Variants in POLA2 observed in about 807,000 individuals in gnomAD.
POLA2 encodes DNA polymerase alpha 2, accessory subunit, also known as DNA polymerase alpha subunit B.
In POLA2, 47 loss-of-function variants were observed where a neutral mutation model predicts 82.8. The observed-to-expected ratio is 0.57, with a 90% CI of 0.45 to 0.72. The LOEUF (loss-of-function observed/expected upper bound fraction) is 0.72, where lower values mean the gene tolerates loss of function less well. Ranked by LOEUF, POLA2 falls within the 30% of genes least tolerant of loss-of-function variation. POLA2 has a pLI of 0.00. For synonymous variants in POLA2, 287 were observed against 286.8 expected (o/e 1.00, Z -0.01); for missense variants, 634 against 728.1 (o/e 0.87, Z 1.49).
At chr11:65,263,306 G>A (rs550275289) in intron 1 of POLA2, among the ~76,000 whole-genome samples, 2 of 139,722 alleles carry the variant, frequency 1.4e-5, no homozygotes, top group East Asian at 2.2e-4. Context: ...TTCAGCCTCC[G>A]CCTCCCAGGT....
chr11:65,267,608 G>A lies in POLA2; in HGVS notation c.296+40G>A, dbSNP rs76780604. The A allele has an allele frequency of 2.2e-3, 2,780 of 1,273,344 alleles. 58 individuals carry two copies. The African/African-American group carries it at 0.037, about 17-fold the overall frequency. The allele number at this position is 1,273,344 out of a possible 1,614,324, so 78.9% of individuals were successfully genotyped here. A position where few individuals can be genotyped will look rare whatever the true frequency, so the allele number is the denominator to read the frequency against. On this transcript the variant is annotated intron_variant, in intron 3 of 17. Transcript: ENST00000265465. ...TGAAGGTCTTTGCACCAAGCTACAT[G>A]TTGTATTTTATAATTTGTCTGTAGT... is the stretch of plus-strand genomic sequence containing the variant.
rs1949805765 is a variant in POLA2 at position 65,295,898 on chromosome 11, G to T, written c.1555G>T (p.Ala519Ser). 6.2e-7 allele frequency: 1 copy of T among 1,613,790 alleles called. No homozygotes were observed. The highest frequency in any genetic ancestry group is 1.3e-5 in the African/African-American group (1 of 74,918). The change falls in exon 17 of 18, where the codon GCC (alanine) becomes TCC (serine). Residue 519 changes from alanine (A) to serine (S), a missense_variant. Coordinates refer to ENST00000265465, the MANE Select transcript of POLA2 (RefSeq NM_002689.4). ...YPLYPPQEDM[A>S]IDYESFYVYA... Reference sequence around the variant, plus strand: ...ACTCTACCCGCCCCAAGAAGACATGGCCATTGACTATGAGTCGTTCTATGT... The same window carrying T: ...ACTCTACCCGCCCCAAGAAGACATGTCCATTGACTATGAGTCGTTCTATGT...
chr11:65,304,440 C>A (rs1314905955), intron 8 of POLA2, among the ~76,000 whole-genome samples: 1 of 151,602 alleles, frequency 6.6e-6, no homozygotes, highest in Admixed American at 6.6e-5. Flanking sequence ...CCCAACCATC[C>A]ACCCACCCAC....
chr11:65,285,381 G>A (rs888262411), intron 10 of POLA2, among the ~76,000 whole-genome samples: 2 of 151,476 alleles, frequency 1.3e-5, no homozygotes, highest in African/African-American at 2.4e-5. Flanking sequence ...CCAGCCTGGC[G>A]ACAGAGCTAG....
chr11:65,294,797 C>G, intron 15 of POLA2, 145 bp downstream of exon 15: 1 of 562,848 alleles, frequency 1.8e-6, no homozygotes, highest in Non-Finnish European at 3.1e-6. Flanking sequence ...CTCTAGCCAT[C>G]TGAGTTTCTC....
intron 4 of POLA2, among the ~76,000 whole-genome samples, chr11:65,273,747 G>A (rs971919037): frequency 2.0e-5 from 3 of 151,674 alleles, no homozygotes; most frequent in Non-Finnish European, 4.4e-5. Flanking sequence ...TCCTGCCTCA[G>A]CCTCCTAAAA....
At chr11:65,274,830 A>G (rs1008614413) in intron 4 of POLA2, among the ~76,000 whole-genome samples, 2 of 152,112 alleles carry the variant, frequency 1.3e-5, no homozygotes, top group African/African-American at 2.4e-5. Context: ...TTGTAATCTT[A>G]ATATACAAAT....
At chr11:65,278,977 G>A (rs1034440603) in intron 6 of POLA2, 54 bp downstream of exon 6, 31 of 1,507,652 alleles carry the variant, frequency 2.1e-5, no homozygotes, top group Non-Finnish European at 2.7e-5. Context: ...CTAGAAGGGT[G>A]TAGAGTAACA....
chr11:65,287,677 T>C, intron 10 of POLA2, 39 bp from the exon 11 acceptor site: 1 of 1,580,166 alleles, frequency 6.3e-7, no homozygotes, highest in African/African-American at 1.3e-5. Flanking sequence ...ATTCTAATAC[T>C]AGTCCTCTTC....
intron 4 of POLA2, among the ~76,000 whole-genome samples, chr11:65,270,036 C>T (rs1949505974): frequency 6.6e-6 from 1 of 152,148 alleles, no homozygotes; most frequent in African/African-American, 2.4e-5. Flanking sequence ...TTCACCATGT[C>T]AGCCAGGCTG....
At chr11:65,301,255 T>C (rs1016426979), downstream of POLA2, among the ~76,000 whole-genome samples, 2 of 151,978 alleles carry the variant, frequency 1.3e-5, no homozygotes, top group Admixed American at 1.3e-4. Flanking sequence ...CAGAGCCAGA[T>C]TGTGAAGTCT....
At chr11:65,289,684 T>A in intron 12 of POLA2, 115 bp from the exon 13 acceptor site, 1 of 643,144 alleles carries the variant, frequency 1.6e-6, no homozygotes, top group Non-Finnish European at 2.8e-6. Context: ...CATCTTTGCG[T>A]CTCCTTCAGC....
chr11:65,278,806 G>A lies in POLA2; in HGVS notation c.538G>A (p.Val180Ile), dbSNP rs371926841. Residue 180 changes from valine (V) to isoleucine (I), a missense_variant, in exon 6 of 18, where the codon GTA (valine) becomes ATA (isoleucine). Val to Ile is a conservative substitution (Grantham distance 29, BLOSUM62 3). Coordinates refer to ENST00000265465, the MANE Select transcript of POLA2 (RefSeq NM_002689.4). ...VVTSFGLAQG[V>I]SWSGRGGAGN... Reference sequence around the variant, plus strand: ...TACCTCCTTCGGCTTAGCACAGGGAGTATCTTGGTCTGGGAGAGGAGGAGC... The same window carrying A: ...TACCTCCTTCGGCTTAGCACAGGGAATATCTTGGTCTGGGAGAGGAGGAGC... 9.3e-6 allele frequency: 15 copies of A among 1,613,712 alleles called. No individual in the cohort carries two copies. The highest frequency in any genetic ancestry group is 1.1e-5 in the Non-Finnish European group (13 of 1,180,006).
In POLA2 at chr11:65,268,677, A is replaced by T. The variant is rs757591782; in HGVS notation, c.302A>T (p.Glu101Val). ...TTCTTAACCAGTGTTCTTAGAATTG[A>T]AGTGGAAGAAGAAGAGGAAATCCTC... ...RDIVSIQELI[E>V]VEEEEEILLN... is the part of the protein sequence containing the mutation. The change falls in exon 4 of 18, where the codon GAA becomes GTA. Residue 101 changes from glutamate to valine, a missense_variant. Transcript: ENST00000265465. The T allele has an allele frequency of 6.3e-7, 1 of 1,596,590 alleles. No homozygotes were observed. The highest frequency in any genetic ancestry group is 1.1e-5 in the South Asian group (1 of 89,074).
At chr11:65,270,267 A>G (rs988867532) in intron 4 of POLA2, among the ~76,000 whole-genome samples, 1 of 151,272 alleles carries the variant, frequency 6.6e-6, no homozygotes, top group Non-Finnish European at 1.5e-5. Context: ...CTGTAATCCC[A>G]GCACTCCGGG....
chr11:65,275,770 C>G, intron 4 of POLA2, 122 bp from the exon 5 acceptor site: 2 of 462,538 alleles, frequency 4.3e-6, no homozygotes, highest in East Asian at 3.4e-5. Context: ...AGAAGAGAAC[C>G]CACCCAGTCC....
At chr11:65,290,887 C>T (rs1363095373) in intron 13 of POLA2, among the ~76,000 whole-genome samples, 1 of 152,130 alleles carries the variant, frequency 6.6e-6, no homozygotes, top group Non-Finnish European at 1.5e-5. Flanking sequence ...AGTGCTTCCC[C>T]AGGGTGCGTG....
chr11:65,267,390 A>G lies in POLA2; in HGVS notation c.205-87A>G, dbSNP rs536032935. ...TGTTAGATCTTTGATTATATTTTGAATACCTTTTATTATCTCAAGGCTTTT... is the reference window on the plus strand; with the variant it reads ...TGTTAGATCTTTGATTATATTTTGAGTACCTTTTATTATCTCAAGGCTTTT... On this transcript the variant is annotated intron_variant, in intron 2 of 17. Coordinates refer to ENST00000265465, the MANE Select transcript of POLA2 (RefSeq NM_002689.4). 8.8e-5 allele frequency: 63 copies of G among 715,086 alleles called. 1 individual carries two copies. In the South Asian group the frequency reaches 1.1e-3, roughly 12 times the overall value. The allele number at this position is 715,086 out of a possible 1,614,324, so 44.3% of individuals were successfully genotyped here.
At chr11:65,267,622 T>C in intron 3 of POLA2, 54 bp downstream of exon 3, 1 of 1,203,040 alleles carries the variant, frequency 8.3e-7, no homozygotes, top group Admixed American at 2.1e-5. Flanking sequence ...TATTTTATAA[T>C]TTGTCTGTAG....
Sources: allele counts gnomAD v4.1 joint callset (sites outside exome capture counted in the v4.1 genomes callset), GRCh38; gene constraint gnomAD v4.1.1; transcripts MANE v1.5; gene names NCBI Gene and HGNC (gene_info 2026-07-23, HGNC 2026-07-21).